The following THSD7A variants were observed in gnomAD, a reference collection of about 807,000 sequenced individuals.
THSD7A encodes the protein thrombospondin type 1 domain containing 7A.
A neutral mutation model predicts 231.3 loss-of-function variants in THSD7A; 96 were observed. The ratio of observed to expected loss-of-function variants is 0.41; its 90% CI spans 0.35 to 0.49. THSD7A has a LOEUF of 0.49. Among genes scored for constraint, THSD7A ranks in the 20% least tolerant of loss-of-function variants. The pLI is 0.05. For missense variants in THSD7A, 2,290 were observed against 2,070.2 expected (o/e 1.11, Z -2.06); for synonymous variants, 940 against 743.3 (o/e 1.26, Z -4.30).
intron 1 of THSD7A, among the ~76,000 whole-genome samples, chr7:11,684,608 A>G (rs1779966418): frequency 6.6e-6 from 1 of 151,984 alleles, no homozygotes; most frequent in African/African-American, 2.4e-5. Flanking sequence ...GCTGGAAACC[A>G]AATCAAGAAT....
chr7:11,712,070 G>A (rs1309598383), intron 1 of THSD7A, among the ~76,000 whole-genome samples: 2 of 150,956 alleles, frequency 1.3e-5, no homozygotes, highest in Non-Finnish European at 3.0e-5. Context: ...AAGCCCTCAG[G>A]AAAGAGACTA....
At chr7:11,413,652 T>C (rs1783863342) in intron 17 of THSD7A, among the ~76,000 whole-genome samples, 1 of 152,210 alleles carries the variant, frequency 6.6e-6, no homozygotes, top group African/African-American at 2.4e-5. Flanking sequence ...CCAAGTGCCT[T>C]TGTAAAGCTA....
chr7:11,816,962 A>G (rs1034466287), intron 1 of THSD7A, among the ~76,000 whole-genome samples: 1 of 152,180 alleles, frequency 6.6e-6, no homozygotes, highest in Non-Finnish European at 1.5e-5. Context: ...TGGTGCATCA[A>G]ATTATTATTG....
At chr7:11,543,180 T>A in intron 4 of THSD7A, 63 bp from the exon 5 acceptor site, 1 of 1,470,304 alleles carries the variant, frequency 6.8e-7, no homozygotes, top group East Asian at 2.3e-5. Context: ...GCCAACAATA[T>A]GATTTTTCTG....
chr7:11,468,773 G>A (rs1298095197), intron 9 of THSD7A, among the ~76,000 whole-genome samples: 1 of 152,124 alleles, frequency 6.6e-6, no homozygotes, highest in Non-Finnish European at 1.5e-5. Flanking sequence ...GGCTGAGGTT[G>A]CAATGGGCCG....
At chr7:11,582,338 G>A (rs1791201536) in intron 4 of THSD7A, among the ~76,000 whole-genome samples, 3 of 151,772 alleles carry the variant, frequency 2.0e-5, no homozygotes, top group African/African-American at 7.3e-5. Flanking sequence ...ATGCTTAAAT[G>A]TTTAACATGC....
intron 1 of THSD7A, among the ~76,000 whole-genome samples, chr7:11,638,184 G>A (rs183754166): frequency 6.8e-4 from 103 of 152,274 alleles, no homozygotes; most frequent in Admixed American, 1.2e-3. Flanking sequence ...TCTGCAAGAG[G>A]TTTCTACTGT....
At chr7:11,611,143 A>T (rs908159842) in intron 2 of THSD7A, among the ~76,000 whole-genome samples, 3 of 152,022 alleles carry the variant, frequency 2.0e-5, no homozygotes, top group African/African-American at 7.2e-5. Flanking sequence ...TAATCTGGAA[A>T]TTTTTTTTAA....
chr7:11,751,751 C>A (rs1256223460), intron 1 of THSD7A, among the ~76,000 whole-genome samples: 4 of 151,716 alleles, frequency 2.6e-5, no homozygotes, highest in East Asian at 1.9e-4. Flanking sequence ...AATTGTTGCA[C>A]CGTTTAAAAA....
In THSD7A at chr7:11,541,622, A is replaced by C. The variant is rs762450575; in HGVS notation, c.1619T>G (p.Leu540Arg). 1.2e-6 allele frequency: 2 copies of C among 1,613,762 alleles called. No individual in the cohort carries two copies. The highest frequency in any genetic ancestry group is 1.7e-6 in the Non-Finnish European group (2 of 1,179,786). The change falls in exon 6 of 28, where the codon CTG becomes CGG. Residue 540 changes from leucine (L) to arginine (R), a missense_variant. By Grantham distance (102) the Leu-to-Arg change is moderately radical. Coordinates refer to ENST00000423059, the MANE Select transcript of THSD7A (RefSeq NM_015204.3). Reference sequence around the variant, plus strand: ...CTCATTGGTAATGCGCCGCTTCCTCAGTTTGAAGCCTGAATTATGGGGGAA... The same window carrying C: ...CTCATTGGTAATGCGCCGCTTCCTCCGTTTGAAGCCTGAATTATGGGGGAA... ...NDQQGKKGFK[L>R]RKRRITNEPT...
At chr7:11,529,295 T>C (rs1287009907) in intron 6 of THSD7A, among the ~76,000 whole-genome samples, 7 of 152,302 alleles carry the variant, frequency 4.6e-5, no homozygotes, top group African/African-American at 1.7e-4. Context: ...GTGAATACAA[T>C]AGACATTTAT....
In THSD7A at chr7:11,824,444, G is replaced by A. The variant is rs578006475; in HGVS notation, c.190+7313C>T. 4.6e-5 allele frequency among the ~76,000 whole-genome samples: 7 copies of A among 152,108 alleles called. No individual in the cohort carries two copies. The East Asian group carries it at 1.4e-3, about 29-fold the overall frequency. Reference sequence around the variant, plus strand: ...CAGAATCTCTTCCTCCCACCATCAGGCCTGTCCTCTATACAGTAATAATGG... The same window carrying A: ...CAGAATCTCTTCCTCCCACCATCAGACCTGTCCTCTATACAGTAATAATGG... On this transcript the variant is annotated intron_variant, in intron 1 of 27. Transcript: ENST00000423059.
At chr7:11,829,900 T>C (rs1785145357) in intron 1 of THSD7A, among the ~76,000 whole-genome samples, 1 of 152,180 alleles carries the variant, frequency 6.6e-6, no homozygotes, top group Non-Finnish European at 1.5e-5. Context: ...AGAAATATCT[T>C]TAACATCCTC....
Position 11,505,854 on chromosome 7 carries a change from G to A in THSD7A, c.1823-23872C>T, listed in dbSNP as rs967487730. On this transcript the variant is annotated intron_variant, in intron 6 of 27. Transcript: ENST00000423059. The stretch of plus-strand genomic sequence containing the variant: ...TGTGGCTTGAGATTTATATAACTAT[G>A]GGGCTCATTATCTAGTTTCTTCTTC... Among the ~76,000 whole-genome samples the A allele has an allele frequency of 2.0e-5, 3 of 152,136 alleles. No individual in the cohort carries two copies. In the East Asian group the frequency reaches 5.8e-4, roughly 29 times the overall value.
At chr7:11,545,656 A>G (rs1789349224) in intron 4 of THSD7A, among the ~76,000 whole-genome samples, 1 of 152,182 alleles carries the variant, frequency 6.6e-6, no homozygotes, top group South Asian at 2.1e-4. Context: ...TGAATTAAAC[A>G]GGCATGGAAT....
chr7:11,794,724 T>C (rs1188860952), intron 1 of THSD7A, among the ~76,000 whole-genome samples: 1 of 151,990 alleles, frequency 6.6e-6, no homozygotes. Context: ...TAAGTCTTTT[T>C]GCCAGTGAGG....
chr7:11,404,019 TAGAAG>T (rs1383460464), intron 22 of THSD7A, among the ~76,000 whole-genome samples: 2 of 152,224 alleles, frequency 1.3e-5, no homozygotes, highest in Non-Finnish European at 2.9e-5. Context: ...GATTGTAATT[TAGAAG>T]AGAAGAGCAG....
rs936014562 is a variant in THSD7A, at chr7:11,540,093, C to CT, written c.1822+1325dup. On this transcript the variant is annotated intron_variant, in intron 6 of 27. Transcript: ENST00000423059. The stretch of plus-strand genomic sequence containing the variant: ...GCCAATCTCTGAGTGTTACTTCCTC[C>CT]TTTTTTTCCTCTCTTTATTATAGAA... Among the ~76,000 whole-genome samples the CT allele has an allele frequency of 7.2e-5, 11 of 151,742 alleles. 1 individual carries two copies. Among genetic ancestry groups the CT allele is most frequent in the African/African-American group, 2.4e-4 (10 of 41,066 alleles).
intron 9 of THSD7A, among the ~76,000 whole-genome samples, chr7:11,468,639 G>T (rs73068724): frequency 0.14 from 21,423 of 151,940 alleles, 1,681 homozygotes; most frequent in Non-Finnish European, 0.19. Flanking sequence ...TTCTAGACCA[G>T]CCTGGCCAAA....
Sources: gnomAD v4.1 joint callset for allele counts (sites outside exome capture counted in the v4.1 genomes callset) on GRCh38, gnomAD v4.1.1 for gene constraint, MANE v1.5 for transcripts, NCBI Gene and HGNC (gene_info 2026-07-23, HGNC 2026-07-21) for gene names.